ASIC2: variants seen among roughly 807,000 people sequenced by gnomAD.
ASIC2 encodes the protein acid sensing ion channel subunit 2.
In ASIC2, 25 loss-of-function variants were observed where a neutral mutation model predicts 57.3. That is an observed-to-expected ratio of 0.44 (90% CI 0.32 to 0.61). ASIC2 has a LOEUF of 0.61. Among genes scored for constraint, ASIC2 ranks in the 20% least tolerant of loss-of-function variants. ASIC2 has a pLI of 0.06. For synonymous variants in ASIC2, 319 were observed against 307.5 expected (o/e 1.04, Z -0.39); for missense variants, 641 against 738.1 (o/e 0.87, Z 1.52).
chr17:33,274,965 C>G (rs1904645851), intron 1 of ASIC2, among the ~76,000 whole-genome samples: 1 of 152,122 alleles, frequency 6.6e-6, no homozygotes, highest in Non-Finnish European at 1.5e-5. Context: ...TACCTGAGGA[C>G]AGACACCACC....
chr17:33,877,140 G>A lies in ASIC2; in HGVS notation c.555+278838C>T, dbSNP rs141686338. 8.2e-4 allele frequency among the ~76,000 whole-genome samples: 125 copies of A among 152,294 alleles called. 1 individual carries two copies. Among genetic ancestry groups the A allele is most frequent in the African/African-American group, 2.9e-3 (121 of 41,572 alleles). On this transcript the variant is annotated intron_variant, in intron 1 of 9. Coordinates refer to the ASIC2 transcript ENST00000359872. ...TGCTGAATAAAAGTCTGATGAGGTG[G>A]TGGAGCCAAGATGGCCGAATAGGAG... is the stretch of plus-strand genomic sequence containing the variant.
At chr17:33,771,762 G>C (rs986391429) in intron 1 of ASIC2, among the ~76,000 whole-genome samples, 7 of 151,926 alleles carry the variant, frequency 4.6e-5, no homozygotes, top group African/African-American at 1.7e-4. Context: ...CATATTTCTG[G>C]GCTTCATGTG....
chr17:33,216,464 CAG>C (rs1907492346), intron 1 of ASIC2, among the ~76,000 whole-genome samples: 1 of 152,284 alleles, frequency 6.6e-6, no homozygotes, highest in East Asian at 1.9e-4. Flanking sequence ...CTGATCAGCA[CAG>C]AGTGTGCTGA....
At chr17:33,016,573 A>G (rs2091806869) in intron 8 of ASIC2, among the ~76,000 whole-genome samples, 2 of 152,150 alleles carry the variant, frequency 1.3e-5, no homozygotes, top group African/African-American at 4.8e-5. Flanking sequence ...AAAAGTCAAT[A>G]AACAAAGCAG....
intron 1 of ASIC2, among the ~76,000 whole-genome samples, chr17:33,745,474 C>T (rs1910231611): frequency 6.7e-6 from 1 of 148,794 alleles, no homozygotes. Flanking sequence ...ATGCAAAGAG[C>T]TCCACACCCA....
intron 1 of ASIC2, among the ~76,000 whole-genome samples, chr17:33,149,804 C>A (rs893570298): frequency 1.3e-5 from 2 of 152,058 alleles, no homozygotes; most frequent in African/African-American, 4.8e-5. Context: ...TTTTAATTAG[C>A]CATCTGTATT....
intron 1 of ASIC2, among the ~76,000 whole-genome samples, chr17:33,502,193 T>C (rs535152360): frequency 2.0e-5 from 3 of 152,136 alleles, no homozygotes; most frequent in Non-Finnish European, 2.9e-5. Flanking sequence ...TGGACAGTGA[T>C]TCTCTATAAA....
intron 1 of ASIC2, among the ~76,000 whole-genome samples, chr17:33,440,109 C>A (rs970728985): frequency 2.6e-5 from 4 of 152,150 alleles, no homozygotes; most frequent in African/African-American, 9.7e-5. Context: ...AGAACATTTC[C>A]GTCCCCTCAA....
intron 1 of ASIC2, among the ~76,000 whole-genome samples, chr17:33,391,052 T>G (rs553999221): frequency 2.0e-5 from 3 of 152,188 alleles, no homozygotes; most frequent in Non-Finnish European, 4.4e-5. Flanking sequence ...CTCCACAACA[T>G]CTCTAACAAG....
At chr17:33,521,955 G>A (rs1341648486) in intron 1 of ASIC2, among the ~76,000 whole-genome samples, 1 of 152,226 alleles carries the variant, frequency 6.6e-6, no homozygotes, top group Non-Finnish European at 1.5e-5. Context: ...GCAACTGCGG[G>A]CAGTGTGGTT....
intron 1 of ASIC2, among the ~76,000 whole-genome samples, chr17:33,519,288 C>A (rs978276972): frequency 6.6e-6 from 1 of 152,148 alleles, no homozygotes; most frequent in Middle Eastern, 3.2e-3. Flanking sequence ...AGAAGCAGAG[C>A]GGCTCTGGTG....
At chr17:33,121,108 G>A (rs769635391) in intron 1 of ASIC2, among the ~76,000 whole-genome samples, 21 of 152,218 alleles carry the variant, frequency 1.4e-4, no homozygotes, top group Admixed American at 1.2e-3. Flanking sequence ...GCCCAGGCAG[G>A]GAGTATTCCT....
chr17:33,592,361 G>A (rs1443537140), intron 1 of ASIC2, among the ~76,000 whole-genome samples: 1 of 152,210 alleles, frequency 6.6e-6, no homozygotes, highest in Non-Finnish European at 1.5e-5. Flanking sequence ...AGCCTTCTCT[G>A]GTTTGCTCTG....
At chr17:33,487,268 T>C (rs1409116726) in intron 1 of ASIC2, among the ~76,000 whole-genome samples, 1 of 152,170 alleles carries the variant, frequency 6.6e-6, no homozygotes, top group Non-Finnish European at 1.5e-5. Context: ...CAGTAATCAC[T>C]TCTCCATCAT....
At chr17:34,065,486 T>C (rs1909137126) in intron 1 of ASIC2, among the ~76,000 whole-genome samples, 1 of 152,168 alleles carries the variant, frequency 6.6e-6, no homozygotes, top group African/African-American at 2.4e-5. Flanking sequence ...AAATACCACC[T>C]GTACCCCAAT....
At chr17:34,032,921 T>G (rs1907682485) in intron 1 of ASIC2, among the ~76,000 whole-genome samples, 1 of 152,256 alleles carries the variant, frequency 6.6e-6, no homozygotes, top group South Asian at 2.1e-4. Context: ...AATGGGAGAC[T>G]TTAACACCCC....
intron 1 of ASIC2, among the ~76,000 whole-genome samples, chr17:34,018,914 G>T (rs930579850): frequency 4.0e-4 from 59 of 146,414 alleles, no homozygotes; most frequent in African/African-American, 1.4e-3. Context: ...CTTTTTGTTT[G>T]TTTTTTTTTT....
At chr17:33,396,221 A>G (rs1490435435) in intron 1 of ASIC2, among the ~76,000 whole-genome samples, 1 of 152,220 alleles carries the variant, frequency 6.6e-6, no homozygotes, top group Non-Finnish European at 1.5e-5. Flanking sequence ...CAAGAAGCTC[A>G]GGATACTCAG....
chr17:33,552,360 C>G (rs1395874655), intron 1 of ASIC2, among the ~76,000 whole-genome samples: 5 of 152,164 alleles, frequency 3.3e-5, no homozygotes, highest in African/African-American at 1.2e-4. Context: ...GGAGGGTGGT[C>G]AAACTGATAG....
Sources: gnomAD v4.1 joint callset for allele counts (sites outside exome capture counted in the v4.1 genomes callset) on GRCh38, gnomAD v4.1.1 for gene constraint, MANE v1.5 for transcripts, NCBI Gene and HGNC (gene_info 2026-07-23, HGNC 2026-07-21) for gene names.